The following SKAP2 variants were observed in gnomAD, a reference collection of about 807,000 sequenced individuals.
SKAP2 encodes src kinase associated phosphoprotein 2.
A neutral mutation model predicts 54.9 loss-of-function variants in SKAP2; 28 were observed. The observed-to-expected ratio is 0.51, with a 90% CI of 0.38 to 0.70. SKAP2 has a LOEUF of 0.70. Among genes scored for constraint, SKAP2 ranks in the 30% least tolerant of loss-of-function variants. SKAP2 has a pLI of 0.00. For missense variants in SKAP2, 356 were observed against 424.1 expected (o/e 0.84, Z 1.41); for synonymous variants, 137 against 134.3 (o/e 1.02, Z -0.14).
chr7:26,823,425 C>CAAAAAAAA (rs60207927), intron 4 of SKAP2, among the ~76,000 whole-genome samples: 2 of 93,978 alleles, frequency 2.1e-5, no homozygotes, highest in African/African-American at 4.5e-5. Flanking sequence ...GACTTTGTCT[C>CAAAAAAAA]AAAAAAAAAA....
intron 4 of SKAP2, among the ~76,000 whole-genome samples, chr7:26,817,212 A>C (rs1784283763): frequency 6.6e-6 from 1 of 152,156 alleles, no homozygotes; most frequent in African/African-American, 2.4e-5. Context: ...ATAGTCTCAG[A>C]GGAGTACAGC....
intron 9 of SKAP2, among the ~76,000 whole-genome samples, chr7:26,691,130 A>G (rs1300806484): frequency 1.3e-5 from 2 of 152,196 alleles, no homozygotes; most frequent in African/African-American, 2.4e-5. Flanking sequence ...ATTCGAACTT[A>G]AGTTTGTGAT....
At position 26,726,184 on chromosome 7, in the gene SKAP2, G is replaced by A. The variant is rs191371236; in HGVS notation, c.595-198C>T. On this transcript the variant is annotated intron_variant, in intron 7 of 12. Coordinates refer to ENST00000345317, the MANE Select transcript of SKAP2 (RefSeq NM_003930.5). ...AAGCAGAGGATGATGAATTTCAAAC[G>A]CTGATCAGCAGCTGGCAGCTGTGCA... Among the ~76,000 whole-genome samples, 580 of 152,178 alleles carry A rather than the reference G, an allele frequency of 3.8e-3. 4 individuals are homozygous for A. Among genetic ancestry groups the A allele is most frequent in the Admixed American group, 9.2e-3 (140 of 15,260 alleles).
At chr7:26,739,159 T>C (rs1281404662) in intron 5 of SKAP2, among the ~76,000 whole-genome samples, 1 of 152,206 alleles carries the variant, frequency 6.6e-6, no homozygotes, top group African/African-American at 2.4e-5. Context: ...CTTGAGATAA[T>C]TGATCCATCT....
At chr7:26,777,427 C>T (rs1271332260) in intron 4 of SKAP2, among the ~76,000 whole-genome samples, 1 of 152,076 alleles carries the variant, frequency 6.6e-6, no homozygotes, top group African/African-American at 2.4e-5. Flanking sequence ...AAAAAGTACA[C>T]ATTAATAGTT....
At chr7:26,746,326 A>G (rs887650216) in intron 4 of SKAP2, among the ~76,000 whole-genome samples, 1 of 152,214 alleles carries the variant, frequency 6.6e-6, no homozygotes, top group African/African-American at 2.4e-5. Context: ...TGTTTCTAGA[A>G]ATTATGTAAT....
chr7:26,815,579 C>T (rs1361174014), intron 4 of SKAP2, among the ~76,000 whole-genome samples: 2 of 152,048 alleles, frequency 1.3e-5, no homozygotes. Flanking sequence ...TGCCAAGGAG[C>T]CAGATGGTAC....
chr7:26,857,310 TAAAAAAA>T (rs59046895), intron 1 of SKAP2: 22 of 91,218 alleles, frequency 2.4e-4, no homozygotes, highest in Admixed American at 9.9e-4. Flanking sequence ...CTGCTTTGCT[TAAAAAAA>T]AAAAAAAAAA....
chr7:26,811,623 GT>G (rs1784147985), intron 4 of SKAP2, among the ~76,000 whole-genome samples: 1 of 152,154 alleles, frequency 6.6e-6, no homozygotes, highest in Non-Finnish European at 1.5e-5. Context: ...GAAGAAACTA[GT>G]CAGTAATAAA....
chr7:26,779,714 A>G (rs956040548), intron 4 of SKAP2, among the ~76,000 whole-genome samples: 4 of 152,140 alleles, frequency 2.6e-5, no homozygotes, highest in South Asian at 2.1e-4. Flanking sequence ...TAACATGTTA[A>G]AAAAATGTAG....
chr7:26,755,839 C>T (rs1782778633), intron 4 of SKAP2, among the ~76,000 whole-genome samples: 1 of 152,220 alleles, frequency 6.6e-6, no homozygotes. Context: ...ACTCGCATCT[C>T]CACTCACCCC....
At chr7:26,800,167 C>G (rs888036713) in intron 4 of SKAP2, among the ~76,000 whole-genome samples, 3 of 151,948 alleles carry the variant, frequency 2.0e-5, no homozygotes, top group African/African-American at 7.2e-5. Flanking sequence ...AACTACCAAG[C>G]ATCTTCTCTG....
intron 9 of SKAP2, among the ~76,000 whole-genome samples, chr7:26,710,567 G>T (rs1269681205): frequency 6.6e-6 from 1 of 152,152 alleles, no homozygotes; most frequent in Non-Finnish European, 1.5e-5. Flanking sequence ...TATGGGATAT[G>T]CGTGGGGAAA....
At chr7:26,817,892 ACTT>A (rs1784304677) in intron 4 of SKAP2, among the ~76,000 whole-genome samples, 1 of 152,170 alleles carries the variant, frequency 6.6e-6, no homozygotes, top group Non-Finnish European at 1.5e-5. Context: ...GATATGAAGG[ACTT>A]CTTCAAGGAG....
chr7:26,720,373 T>C (rs17310907), intron 9 of SKAP2, among the ~76,000 whole-genome samples: 11,315 of 152,266 alleles, frequency 0.074, 553 homozygotes, highest in Middle Eastern at 0.16. Flanking sequence ...TCATACTATA[T>C]TATGAAACAA....
At chr7:26,714,896 T>C (rs1362113924) in intron 9 of SKAP2, among the ~76,000 whole-genome samples, 1 of 152,216 alleles carries the variant, frequency 6.6e-6, no homozygotes, top group Admixed American at 6.5e-5. Flanking sequence ...ATATTCTATA[T>C]GGGAGACAAA....
intron 4 of SKAP2, among the ~76,000 whole-genome samples, chr7:26,826,573 T>G (rs1784497905): frequency 6.6e-6 from 1 of 152,234 alleles, no homozygotes; most frequent in Non-Finnish European, 1.5e-5. Context: ...TACCTCCATG[T>G]TCTACATATC....
intron 9 of SKAP2, among the ~76,000 whole-genome samples, chr7:26,692,530 G>A (rs1010189771): frequency 5.3e-5 from 8 of 152,204 alleles, no homozygotes; most frequent in African/African-American, 1.7e-4. Context: ...CTGAATTTCT[G>A]TAACTCAATT....
intron 10 of SKAP2, among the ~76,000 whole-genome samples, chr7:26,687,884 T>C (rs1160406864): frequency 6.6e-6 from 1 of 152,150 alleles, no homozygotes; most frequent in Non-Finnish European, 1.5e-5. Flanking sequence ...CTTTACTACA[T>C]GGATTAATTT....
Sources: gnomAD v4.1 joint callset for allele counts (sites outside exome capture counted in the v4.1 genomes callset) on GRCh38, gnomAD v4.1.1 for gene constraint, MANE v1.5 for transcripts, NCBI Gene and HGNC (gene_info 2026-07-23, HGNC 2026-07-21) for gene names.